The following CA1 variants were observed in gnomAD, a reference collection of about 807,000 sequenced individuals.
CA1 encodes the protein carbonate dehydratase I.
Under a neutral mutation model 28.8 loss-of-function variants are expected in CA1, and 27 were observed. The ratio of observed to expected loss-of-function variants is 0.94; its 90% confidence interval spans 0.69 to 1.29. The LOEUF (loss-of-function observed/expected upper bound fraction) is 1.29, where lower values mean the gene tolerates loss of function less well. Ranked by LOEUF, CA1 falls within the 50% of genes most tolerant of loss-of-function variation. The pLI is 0.00. For missense variants in CA1, 335 were observed against 310.5 expected (o/e 1.08, Z -0.59); for synonymous variants, 121 against 108.8 (o/e 1.11, Z -0.70).
At position 85,354,852 on chromosome 8, in the gene CA1, T is replaced by C. The variant is rs1048305869; in HGVS notation, c.-24-13193A>G. ...GTATGAACCTGTCTTTTCTGGAAGCTAGATTTAGGTTAGCTTGAATGTCCA... is the reference window on the plus strand; with the variant it reads ...GTATGAACCTGTCTTTTCTGGAAGCCAGATTTAGGTTAGCTTGAATGTCCA... On this transcript the variant is annotated intron_variant, in intron 1 of 7. Transcript: ENST00000523022. 3.9e-4 allele frequency among the ~76,000 whole-genome samples: 59 copies of C among 152,364 alleles called. 1 individual carries two copies. Among genetic ancestry groups the C allele is most frequent in the African/African-American group, 1.3e-3 (56 of 41,590 alleles).
At chr8:85,361,103 G>T (rs995624761) in intron 1 of CA1, among the ~76,000 whole-genome samples, 1 of 152,152 alleles carries the variant, frequency 6.6e-6, no homozygotes, top group African/African-American at 2.4e-5. Flanking sequence ...CATCCTGAGA[G>T]TGGATGCCAG....
intron 1 of CA1, among the ~76,000 whole-genome samples, chr8:85,353,341 A>C (rs1030043380): frequency 6.6e-6 from 1 of 152,236 alleles, no homozygotes; most frequent in African/African-American, 2.4e-5. Flanking sequence ...TGTGGTTTCA[A>C]ATTCAAAGGT....
intron 6 of CA1, chr8:85,332,231 T>C: frequency 2.9e-6 from 1 of 343,030 alleles, no homozygotes; most frequent in East Asian, 4.9e-5. Context: ...CAAATTTAAA[T>C]GGCTATGTAA....
At chr8:85,350,197 A>G (rs778752202) in intron 1 of CA1, among the ~76,000 whole-genome samples, 1 of 152,164 alleles carries the variant, frequency 6.6e-6, no homozygotes, top group Non-Finnish European at 1.5e-5. Flanking sequence ...GTAAGTGAAG[A>G]ATTTTCAGGC....
At chr8:85,336,853 A>G in intron 4 of CA1, 92 bp downstream of exon 4, 1 of 803,784 alleles carries the variant, frequency 1.2e-6, no homozygotes, top group Non-Finnish European at 2.3e-6. Flanking sequence ...ATTCCTTTGG[A>G]GTCATTATGA....
chr8:85,364,220 C>G (rs1809919861), intron 1 of CA1, among the ~76,000 whole-genome samples: 2 of 152,154 alleles, frequency 1.3e-5, no homozygotes, highest in Non-Finnish European at 2.9e-5. Context: ...GTGAAATGCC[C>G]AACTCTTGTC....
chr8:85,357,014 A>G (rs1474188290), intron 1 of CA1, among the ~76,000 whole-genome samples: 1 of 152,206 alleles, frequency 6.6e-6, no homozygotes, highest in Non-Finnish European at 1.5e-5. Flanking sequence ...CAAATATTAT[A>G]TATGAATGCC....
intron 1 of CA1, among the ~76,000 whole-genome samples, chr8:85,374,466 T>A (rs1156838173): frequency 6.6e-6 from 1 of 152,194 alleles, no homozygotes; most frequent in Non-Finnish European, 1.5e-5. Flanking sequence ...TAGGTTTGTG[T>A]CTTAATACAC....
chr8:85,345,704 T>C (rs527394255), intron 1 of CA1, among the ~76,000 whole-genome samples: 1 of 152,260 alleles, frequency 6.6e-6, no homozygotes, highest in South Asian at 2.1e-4. Context: ...GTGTGGTACA[T>C]TGATATTTGG....
Position 85,341,627 on chromosome 8 carries a change from A to T in CA1, c.9T>A (p.Ser3Arg). The change falls in exon 2 of 8, where the codon AGT becomes AGA. Residue 3 changes from serine to arginine, a missense_variant. By Grantham distance (110) the Ser-to-Arg change is moderately radical (BLOSUM62 -1). Transcript: ENST00000523022. MA[S>R]PDWGYDDKNG... ...TTTTGTCATCATATCCCCAGTCTGG[A>T]CTTGCCATTATCTTCTACTGAGTTT... 1.9e-6 allele frequency: 3 copies of T among 1,596,350 alleles called. No homozygotes were observed. Among genetic ancestry groups the T allele is most frequent in the East Asian group, 2.2e-5 (1 of 44,686 alleles).
At chr8:85,363,715 A>C (rs1585961612) in intron 1 of CA1, among the ~76,000 whole-genome samples, 1 of 152,016 alleles carries the variant, frequency 6.6e-6, no homozygotes, top group South Asian at 2.1e-4. Flanking sequence ...TCACATCCTA[A>C]CTGACCTCAT....
chr8:85,329,012 G>C (rs867046142), intron 7 of CA1, among the ~76,000 whole-genome samples: 1 of 152,054 alleles, frequency 6.6e-6, no homozygotes, highest in Non-Finnish European at 1.5e-5. Context: ...TATTAGCTTG[G>C]TACCTTAGTT....
chr8:85,367,838 A>T (rs1039948150), intron 1 of CA1, among the ~76,000 whole-genome samples: 1 of 152,216 alleles, frequency 6.6e-6, no homozygotes, highest in African/African-American at 2.4e-5. Flanking sequence ...GGTTGAGATT[A>T]TGTATTATAT....
intron 1 of CA1, among the ~76,000 whole-genome samples, chr8:85,352,332 T>C (rs1435147929): frequency 6.6e-6 from 1 of 152,260 alleles, no homozygotes; most frequent in East Asian, 1.9e-4. Flanking sequence ...GCTCCCTCTC[T>C]CTACTTCCTC....
intron 4 of CA1, among the ~76,000 whole-genome samples, chr8:85,336,066 G>A (rs1808640703): frequency 6.6e-6 from 1 of 152,058 alleles, no homozygotes; most frequent in Non-Finnish European, 1.5e-5. Context: ...ATCATATGTT[G>A]TGATTGTTCA....
intron 1 of CA1, among the ~76,000 whole-genome samples, chr8:85,364,387 A>G (rs1458098021): frequency 2.0e-5 from 3 of 152,210 alleles, no homozygotes; most frequent in Admixed American, 2.0e-4. Flanking sequence ...CCGTAGTTAT[A>G]TTTATGTGTA....
rs151094659 is a variant in CA1 at position 85,362,595 on chromosome 8, G to T, written c.-25+15451C>A. Reference sequence around the variant, plus strand: ...AAGGAAATTAGCTTCACTGAGAGCTGAAAAAGATTCAGGGATTTTGCTTTC... The same window carrying T: ...AAGGAAATTAGCTTCACTGAGAGCTTAAAAAGATTCAGGGATTTTGCTTTC... On this transcript the variant is annotated intron_variant, in intron 1 of 7. Transcript: ENST00000523022. 9.9e-5 allele frequency among the ~76,000 whole-genome samples: 15 copies of T among 152,258 alleles called. 1 individual carries two copies. The East Asian group carries it at 2.9e-3, about 29-fold the overall frequency.
chr8:85,345,224 G>C (rs1257879360), intron 1 of CA1, among the ~76,000 whole-genome samples: 1 of 152,130 alleles, frequency 6.6e-6, no homozygotes, highest in African/African-American at 2.4e-5. Context: ...TCCATACCGA[G>C]CTTGTTCCCA....
chr8:85,346,983 G>C (rs1013874339), intron 1 of CA1, among the ~76,000 whole-genome samples: 1 of 152,082 alleles, frequency 6.6e-6, no homozygotes, highest in Non-Finnish European at 1.5e-5. Context: ...AAAGAGATAA[G>C]TTCTCAAGTG....
Sources: gnomAD v4.1 joint callset for allele counts (sites outside exome capture counted in the v4.1 genomes callset) on GRCh38, gnomAD v4.1.1 for gene constraint, MANE v1.5 for transcripts, NCBI Gene and HGNC (gene_info 2026-07-23, HGNC 2026-07-21) for gene names.